The following CSMD1 variants were observed in gnomAD, a reference collection of about 807,000 sequenced individuals.
The protein encoded by CSMD1 is CUB and Sushi multiple domains 1, also known as CUB and sushi domain-containing protein 1.
Under a neutral mutation model 417.5 loss-of-function variants are expected in CSMD1, and 213 were observed. The ratio of observed to expected loss-of-function variants is 0.51; its 90% CI spans 0.46 to 0.57. The LOEUF (loss-of-function observed/expected upper bound fraction) is 0.57. CSMD1 is among the 20% of genes least tolerant of loss of function. CSMD1 has a pLI of 0.00. For missense variants in CSMD1, 6,923 were observed against 4,529.7 expected, an observed-to-expected ratio of 1.53 and a Z score of -15.17; for synonymous variants, 2,862 against 1,736.8, an observed-to-expected ratio of 1.65 and a Z score of -16.11.
At chr8:4,703,742 A>C (rs1807734719) in intron 1 of CSMD1, among the ~76,000 whole-genome samples, 2 of 152,218 alleles carry the variant, frequency 1.3e-5, no homozygotes, top group South Asian at 4.1e-4. Context: ...AAGTGATTTT[A>C]CTAAAATCCA....
At chr8:4,281,552 G>T (rs1309506966) in intron 3 of CSMD1, among the ~76,000 whole-genome samples, 1 of 152,166 alleles carries the variant, frequency 6.6e-6, no homozygotes, top group African/African-American at 2.4e-5. Flanking sequence ...TTAAAATGTT[G>T]TGACAAATGA....
intron 12 of CSMD1, among the ~76,000 whole-genome samples, chr8:3,447,867 G>A (rs1165378802): frequency 1.3e-5 from 2 of 152,042 alleles, no homozygotes; most frequent in African/African-American, 2.4e-5. Context: ...TTTACTCTTC[G>A]TTCCTCAAGG....
In CSMD1 at chr8:3,000,141, T is replaced by A; in HGVS notation, c.8030-10A>T. 6.6e-7 allele frequency: 1 copy of A among 1,523,696 alleles called. No individual in the cohort carries two copies. The highest frequency in any genetic ancestry group is 8.9e-7 in the Non-Finnish European group (1 of 1,129,472). 94.4% of individuals were successfully genotyped at this position (1,523,696 alleles called of 1,614,324 possible). ...GAACCGCAGTGGCCAGCTAAAAATG[T>A]TAAACCAATTTTAAAATTTAGAGTG... On this transcript the variant is annotated splice_polypyrimidine_tract_variant and intron_variant, in intron 52 of 69. Coordinates refer to ENST00000635120, the MANE Select transcript of CSMD1 (RefSeq NM_033225.6).
At chr8:4,708,760 G>A (rs1012434543) in intron 1 of CSMD1, among the ~76,000 whole-genome samples, 2 of 152,032 alleles carry the variant, frequency 1.3e-5, no homozygotes, top group Non-Finnish European at 2.9e-5. Context: ...CTAACCCCCA[G>A]CATGGGACTA....
chr8:3,087,384 T>C, intron 48 of CSMD1, 99 bp from the exon 49 acceptor site: 1 of 1,265,290 alleles, frequency 7.9e-7, no homozygotes, highest in Non-Finnish European at 1.1e-6. Context: ...GCTTCTCATT[T>C]CCAAAAGGTA....
chr8:4,308,470 C>A (rs181666649), intron 3 of CSMD1, among the ~76,000 whole-genome samples: 6 of 151,988 alleles, frequency 3.9e-5, no homozygotes, highest in Non-Finnish European at 5.9e-5. Flanking sequence ...TGATCTTCAG[C>A]GAGGGCCAAT....
At position 4,823,657 on chromosome 8, in the gene CSMD1, C is replaced by G. The variant is rs367637924; in HGVS notation, c.85+170675G>C. On this transcript the variant is annotated intron_variant, in intron 1 of 69. Coordinates refer to ENST00000635120, the MANE Select transcript of CSMD1 (RefSeq NM_033225.6). ...AGCCTTTAGAAAGAATAGCAATAATCACAACACTGACATATAAACAAGTAA... is the reference window on the plus strand; with the variant it reads ...AGCCTTTAGAAAGAATAGCAATAATGACAACACTGACATATAAACAAGTAA... 2.0e-5 allele frequency among the ~76,000 whole-genome samples: 3 copies of G among 152,024 alleles called. No homozygotes were observed. In the East Asian group the frequency reaches 5.8e-4, roughly 29 times the overall value.
chr8:3,414,708 C>T (rs1585130047), intron 12 of CSMD1, among the ~76,000 whole-genome samples: 3 of 152,162 alleles, frequency 2.0e-5, no homozygotes, highest in South Asian at 2.1e-4. Flanking sequence ...GGACATATCT[C>T]GTTAGTTCTT....
At chr8:3,360,575 A>C (rs769696458) in intron 20 of CSMD1, among the ~76,000 whole-genome samples, 5 of 152,224 alleles carry the variant, frequency 3.3e-5, no homozygotes, top group Non-Finnish European at 7.3e-5. Flanking sequence ...ATGCTTAGGT[A>C]TTGGAATGGT....
intron 3 of CSMD1, among the ~76,000 whole-genome samples, chr8:4,395,657 ACT>A (rs10541838): frequency 0.027 from 4,082 of 152,190 alleles, 169 homozygotes; most frequent in African/African-American, 0.093. Context: ...TTTTGATAAG[ACT>A]CTGTTCCAAA....
intron 5 of CSMD1, among the ~76,000 whole-genome samples, chr8:3,808,807 C>T (rs1004265232): frequency 2.0e-5 from 3 of 152,146 alleles, no homozygotes; most frequent in Non-Finnish European, 4.4e-5. Context: ...TTTCAAGGGG[C>T]ATTTGGCAGT....
intron 5 of CSMD1, among the ~76,000 whole-genome samples, chr8:3,878,215 T>A (rs1054975809): frequency 2.6e-5 from 4 of 152,104 alleles, no homozygotes; most frequent in Admixed American, 1.3e-4. Flanking sequence ...AAAACTAATA[T>A]CAAGTAGTGA....
chr8:4,601,960 T>G (rs1800612766), intron 2 of CSMD1, among the ~76,000 whole-genome samples: 2 of 152,142 alleles, frequency 1.3e-5, no homozygotes, highest in Admixed American at 1.3e-4. Flanking sequence ...TGGAGGAACC[T>G]CCTCAGAGCC....
At chr8:4,232,829 T>C (rs543423990) in intron 3 of CSMD1, among the ~76,000 whole-genome samples, 1 of 152,228 alleles carries the variant, frequency 6.6e-6, no homozygotes, top group South Asian at 2.1e-4. Flanking sequence ...AGACAAACAT[T>C]ACTTTATTTA....
chr8:4,929,952 T>C (rs1807137335), intron 1 of CSMD1, among the ~76,000 whole-genome samples: 2 of 152,234 alleles, frequency 1.3e-5, no homozygotes, highest in South Asian at 4.1e-4. Flanking sequence ...TGAGTGAAGC[T>C]ACAGTTTTCT....
intron 2 of CSMD1, among the ~76,000 whole-genome samples, chr8:4,567,662 G>T (rs1386742462): frequency 6.6e-6 from 1 of 152,110 alleles, no homozygotes; most frequent in Non-Finnish European, 1.5e-5. Flanking sequence ...AAGGACGAAG[G>T]TTCTTCTGCC....
intron 27 of CSMD1, among the ~76,000 whole-genome samples, chr8:3,225,541 GA>G (rs1798451173): frequency 6.6e-6 from 1 of 152,112 alleles, no homozygotes; most frequent in African/African-American, 2.4e-5. Context: ...CTGATGCAGA[GA>G]AAGAAGGTAC....
At chr8:4,187,375 G>A (rs1441974669) in intron 3 of CSMD1, among the ~76,000 whole-genome samples, 7 of 152,080 alleles carry the variant, frequency 4.6e-5, no homozygotes, top group African/African-American at 7.2e-5. Context: ...GGCCAGGCAC[G>A]GTGGCTGATG....
intron 3 of CSMD1, among the ~76,000 whole-genome samples, chr8:4,292,878 C>G (rs1797449328): frequency 6.6e-6 from 1 of 152,018 alleles, no homozygotes; most frequent in Admixed American, 6.6e-5. Context: ...ATTTAAAAGG[C>G]TTTTTGTAAA....
Sources: allele counts gnomAD v4.1 joint callset (sites outside exome capture counted in the v4.1 genomes callset), GRCh38; gene constraint gnomAD v4.1.1; transcripts MANE v1.5; gene names NCBI Gene and HGNC (gene_info 2026-07-23, HGNC 2026-07-21).